Variants in SCN8A observed in about 807,000 individuals in gnomAD.
SCN8A encodes sodium channel protein type 8 subunit alpha.
In SCN8A, 30 loss-of-function variants were observed where a neutral mutation model predicts 184.1. The ratio of observed to expected loss-of-function variants is 0.16; its 90% CI spans 0.12 to 0.22. The LOEUF is 0.22. SCN8A is among the 10% of genes least tolerant of loss of function. The probability of loss-of-function intolerance (pLI) is 1.00; values close to 1 mark genes in which losing one functional copy is unlikely to be tolerated. For synonymous variants in SCN8A, 852 were observed against 907.0 expected (o/e 0.94, Z 1.09); for missense variants, 1,057 against 2,498.9 (o/e 0.42, Z 12.30).
chr12:51,607,283 G>T (rs1186491486), intron 1 of SCN8A, among the ~76,000 whole-genome samples: 1 of 152,128 alleles, frequency 6.6e-6, no homozygotes, highest in Non-Finnish European at 1.5e-5. Context: ...TCTTGTATCT[G>T]GAAACTTTGT....
At chr12:51,642,653 C>G (rs78353703) in intron 1 of SCN8A, among the ~76,000 whole-genome samples, 2,792 of 151,964 alleles carry the variant, frequency 0.018, 84 homozygotes, top group African/African-American at 0.063. Context: ...GACAAACATT[C>G]TCTCATCTGA....
At chr12:51,801,562 C>T (rs1448837344) in intron 26 of SCN8A, among the ~76,000 whole-genome samples, 1 of 152,176 alleles carries the variant, frequency 6.6e-6, no homozygotes, top group Non-Finnish European at 1.5e-5. Flanking sequence ...TTTTGATCCA[C>T]GTTTCAGCTA....
intron 6 of SCN8A, among the ~76,000 whole-genome samples, chr12:51,695,710 A>G (rs1941581440): frequency 6.6e-6 from 1 of 151,502 alleles, no homozygotes; most frequent in Non-Finnish European, 1.5e-5. Flanking sequence ...ATCTTAATAT[A>G]ATGACAGAAT....
intron 1 of SCN8A, among the ~76,000 whole-genome samples, chr12:51,627,792 CAT>C (rs1167737978): frequency 6.6e-6 from 1 of 152,136 alleles, no homozygotes; most frequent in Non-Finnish European, 1.5e-5. Flanking sequence ...ATTTAGTAAT[CAT>C]GTGCTTTCTT....
intron 2 of SCN8A, among the ~76,000 whole-genome samples, chr12:51,672,116 T>C (rs994934511): frequency 5.3e-5 from 8 of 152,212 alleles, no homozygotes; most frequent in African/African-American, 1.9e-4. Flanking sequence ...TCCCATAGTC[T>C]GTAAACACAC....
rs1938841614 is a variant in SCN8A, at chr12:51,810,115, T to C, written c.*2686T>C. On this transcript the variant is annotated 3_prime_UTR_variant, in exon 27 of 27. Transcript: ENST00000627620. ...ATAGTGATGAGATTTTTCTGAGATC[T>C]AACCGTTTCCCTCCGCTAGCTCCTG... 1 of 183,204 alleles carries C rather than the reference T, an allele frequency of 5.5e-6. No homozygotes were observed. The highest frequency in any genetic ancestry group is 6.3e-5 in the Admixed American group (1 of 15,918). The allele number at this position is 183,204 out of a possible 1,614,324, so 11.3% of individuals were successfully genotyped here.
intron 1 of SCN8A, among the ~76,000 whole-genome samples, chr12:51,647,696 A>G (rs892865941): frequency 1.3e-5 from 2 of 152,232 alleles, no homozygotes; most frequent in Non-Finnish European, 2.9e-5. Flanking sequence ...TAGAACTGTT[A>G]TAGATTTTCC....
At chr12:51,764,657 A>AAATG (rs1195633540) in intron 15 of SCN8A, among the ~76,000 whole-genome samples, 2 of 152,060 alleles carry the variant, frequency 1.3e-5, no homozygotes, top group South Asian at 2.1e-4. Context: ...ATAAATAAAT[A>AAATG]AAAAATAATT....
intron 2 of SCN8A, among the ~76,000 whole-genome samples, chr12:51,675,761 G>A (rs571763246): frequency 6.6e-6 from 1 of 152,302 alleles, no homozygotes; most frequent in South Asian, 2.1e-4. Context: ...TATAGGCTTT[G>A]TAGTTAGATT....
rs552427486 is a variant in SCN8A at position 51,744,089 on chromosome 12, G to A, written c.1999-1814G>A. 2.6e-5 allele frequency among the ~76,000 whole-genome samples: 4 copies of A among 152,276 alleles called. No individual in the cohort carries two copies. In the East Asian group the frequency reaches 5.8e-4, roughly 22 times the overall value. The stretch of plus-strand genomic sequence containing the variant: ...GGCTGAGGTGGGAGGATCACTTGAG[G>A]CCAGGAGTTCCAGACCAGCCTGGAT... On this transcript the variant is annotated intron_variant, in intron 12 of 26. Coordinates refer to ENST00000627620, the MANE Select transcript of SCN8A (RefSeq NM_001330260.2).
intron 2 of SCN8A, among the ~76,000 whole-genome samples, chr12:51,668,147 C>T (rs1161953386): frequency 6.7e-6 from 1 of 150,078 alleles, no homozygotes; most frequent in Non-Finnish European, 1.5e-5. Context: ...CACGCCATCG[C>T]ACTCCAGCCT....
chr12:51,741,446 G>A (rs990182201), intron 12 of SCN8A, among the ~76,000 whole-genome samples: 18 of 152,004 alleles, frequency 1.2e-4, no homozygotes, highest in African/African-American at 4.3e-4. Context: ...GGAGAGTTTA[G>A]TTTATTTACA....
chr12:51,613,549 A>G (rs1456228793), intron 1 of SCN8A, among the ~76,000 whole-genome samples: 1 of 151,906 alleles, frequency 6.6e-6, no homozygotes, highest in Non-Finnish European at 1.5e-5. Flanking sequence ...TCAAAGAACC[A>G]GCTTTTCCTA....
chr12:51,766,376 G>A (rs1942838497), intron 16 of SCN8A: 5 of 331,890 alleles, frequency 1.5e-5, no homozygotes, highest in South Asian at 1.2e-4. Context: ...TTTTCTTAAC[G>A]ACAATTTCTC....
intron 26 of SCN8A, among the ~76,000 whole-genome samples, chr12:51,804,253 C>A (rs1376403059): frequency 6.6e-6 from 1 of 152,198 alleles, no homozygotes; most frequent in Non-Finnish European, 1.5e-5. Flanking sequence ...TGTACACTTT[C>A]ACCTTCTGCC....
chr12:51,781,172 T>C (rs1248342468), intron 21 of SCN8A, among the ~76,000 whole-genome samples: 1 of 152,052 alleles, frequency 6.6e-6, no homozygotes, highest in Non-Finnish European at 1.5e-5. Context: ...TGTAGGGGCA[T>C]CAGCCAGGTG....
At chr12:51,698,019 A>C (rs554033918) in intron 6 of SCN8A, among the ~76,000 whole-genome samples, 1 of 152,106 alleles carries the variant, frequency 6.6e-6, no homozygotes, top group African/African-American at 2.4e-5. Context: ...ACACCTGGCT[A>C]ATTTTTGTAT....
At chr12:51,628,484 T>C (rs1177315606) in intron 1 of SCN8A, among the ~76,000 whole-genome samples, 1 of 152,186 alleles carries the variant, frequency 6.6e-6, no homozygotes, top group Non-Finnish European at 1.5e-5. Flanking sequence ...GGGCAAGAAT[T>C]AGCAATCTTT....
chr12:51,660,905 A>G (rs1034403095), intron 1 of SCN8A, among the ~76,000 whole-genome samples: 1 of 152,168 alleles, frequency 6.6e-6, no homozygotes, highest in Admixed American at 6.5e-5. Flanking sequence ...TTGGGGGGCA[A>G]TGCAAGGATG....
Sources: gnomAD v4.1 joint callset for allele counts (sites outside exome capture counted in the v4.1 genomes callset) on GRCh38, gnomAD v4.1.1 for gene constraint, MANE v1.5 for transcripts, NCBI Gene and HGNC (gene_info 2026-07-23, HGNC 2026-07-21) for gene names.